PKHD1L1: variants seen among roughly 807,000 people sequenced by gnomAD.
PKHD1L1 encodes the protein PKHD1 like 1, also known as fibrocystin-L.
In PKHD1L1, 434 loss-of-function variants were observed where a neutral mutation model predicts 462.9. That is an observed-to-expected ratio of 0.94 (90% CI 0.87 to 1.02). The LOEUF (loss-of-function observed/expected upper bound fraction) is 1.02. Ranked by LOEUF, PKHD1L1 falls within the 50% of genes least tolerant of loss-of-function variation. The probability of loss-of-function intolerance (pLI) is 0.00; values close to 1 mark genes in which losing one functional copy is unlikely to be tolerated. For missense variants in PKHD1L1, 5,202 were observed against 5,096.1 expected, an observed-to-expected ratio of 1.02 and a Z score of -0.63; for synonymous variants, 1,781 against 1,750.0, an observed-to-expected ratio of 1.02 and a Z score of -0.44.
Position 109,486,749 on chromosome 8 carries a change from G to A in PKHD1L1, c.9808G>A (p.Gly3270Ser), listed in dbSNP as rs200880307. The A allele has an allele frequency of 2.2e-3, 3,567 of 1,612,438 alleles. 8 individuals are homozygous for A. Among genetic ancestry groups the A allele is most frequent in the Middle Eastern group, 5.0e-3 (30 of 6,050 alleles). The part of the protein sequence containing the change: ...NIKIVGEDYP[G>S]WSEDSFGARV... ...CAAAATAGTTGGTGAAGATTACCCC[G>A]GTTGGTCTGAGGACTCTTTTGGAGC... The change falls in exon 59 of 78, where the codon GGT becomes AGT. Residue 3270 changes from glycine (G) to serine (S), a missense_variant. Gly to Ser is a moderately conservative substitution (Grantham distance 56, BLOSUM62 0). Transcript: ENST00000378402.
At chr8:109,460,659 C>G (rs574649043) in intron 47 of PKHD1L1, among the ~76,000 whole-genome samples, 1 of 152,246 alleles carries the variant, frequency 6.6e-6, no homozygotes, top group African/African-American at 2.4e-5. Flanking sequence ...CAGAAATGTT[C>G]CCTGGGGGCA....
intron 2 of PKHD1L1, among the ~76,000 whole-genome samples, chr8:109,369,929 G>A (rs760424099): frequency 2.6e-4 from 39 of 152,176 alleles, no homozygotes; most frequent in Admixed American, 1.3e-3. Flanking sequence ...TATGCCGGAT[G>A]AGTTATTTGG....
rs770816837 is a variant in PKHD1L1 at position 109,406,433 on chromosome 8, A to T, written c.1768A>T (p.Asn590Tyr). The part of the protein sequence containing the change: ...PDTVQVIRTQ[N>Y]PQSYVYMVTF... ...CACAGTTCAAGTAATAAGAACACAAAATCCCCAGAGCTATGTCTACATGGT... is the reference window on the plus strand; with the variant it reads ...CACAGTTCAAGTAATAAGAACACAATATCCCCAGAGCTATGTCTACATGGT... Residue 590 changes from asparagine (N) to tyrosine (Y), a missense_variant, in exon 17 of 78, where the codon AAT (asparagine) becomes TAT (tyrosine). By Grantham distance (143) the Asn-to-Tyr change is moderately radical. Transcript: ENST00000378402. The T allele has an allele frequency of 5.6e-6, 9 of 1,600,258 alleles. No homozygotes were observed. In the Admixed American group the frequency reaches 8.6e-5, roughly 15 times the overall value.
At chr8:109,412,676 C>T (rs1813921698) in intron 20 of PKHD1L1, among the ~76,000 whole-genome samples, 1 of 151,820 alleles carries the variant, frequency 6.6e-6, no homozygotes, top group Non-Finnish European at 1.5e-5. Flanking sequence ...AAAATATTTG[C>T]ACACAAGTTT....
chr8:109,450,783 T>C (rs141553976), intron 40 of PKHD1L1, among the ~76,000 whole-genome samples, 192 bp from the exon 41 acceptor site: 1 of 152,336 alleles, frequency 6.6e-6, no homozygotes, highest in African/African-American at 2.4e-5. Flanking sequence ...CTTCTGTCGA[T>C]AATGGGCATG....
At chr8:109,413,085 A>T (rs932238431) in intron 20 of PKHD1L1, among the ~76,000 whole-genome samples, 2 of 152,034 alleles carry the variant, frequency 1.3e-5, no homozygotes, top group African/African-American at 4.8e-5. Flanking sequence ...TTCTATGTGC[A>T]TTGGACTTTT....
At chr8:109,520,070 G>A (rs1387814087) in intron 73 of PKHD1L1, among the ~76,000 whole-genome samples, 1 of 152,122 alleles carries the variant, frequency 6.6e-6, no homozygotes, top group Admixed American at 6.6e-5. Flanking sequence ...CCATTGGGGG[G>A]ATAAGCCTGT....
chr8:109,392,987 C>T (rs1292039603), intron 9 of PKHD1L1, among the ~76,000 whole-genome samples: 3 of 152,108 alleles, frequency 2.0e-5, no homozygotes, highest in Non-Finnish European at 2.9e-5. Context: ...TCAGTGTCAT[C>T]CAAAATAAAT....
chr8:109,499,053 T>C (rs1403470971), intron 67 of PKHD1L1: 1 of 353,270 alleles, frequency 2.8e-6, no homozygotes, highest in East Asian at 5.6e-5. Flanking sequence ...AATTTGTAAA[T>C]GCCCTTTCAT....
intron 21 of PKHD1L1, among the ~76,000 whole-genome samples, chr8:109,416,020 C>T (rs1040206019): frequency 6.6e-6 from 1 of 151,934 alleles, no homozygotes; most frequent in African/African-American, 2.4e-5. Context: ...ATACTCTGAT[C>T]AATCAATGGA....
rs778632864 is a variant in PKHD1L1 at position 109,445,419 on chromosome 8, G to T, written c.5550G>T (p.Val1850=). The T allele has an allele frequency of 5.6e-6, 9 of 1,613,874 alleles. No individual in the cohort carries two copies. The highest frequency in any genetic ancestry group is 7.6e-6 in the Non-Finnish European group (9 of 1,179,910). Residue 1850 remains valine (V), a synonymous_variant, in exon 38 of 78, where the codon GTG becomes GTT. Transcript: ENST00000378402. The part of the protein sequence containing the change: ...SGSIGGGTTL[V]ITGNGFYPGN... ...GCATTGGTGGTGGAACTACACTGGT[G>T]ATCACAGGAAATGGCTTCTATCCAG...
At chr8:109,363,380 C>T (rs944656083) in intron 1 of PKHD1L1, among the ~76,000 whole-genome samples, 2 of 152,156 alleles carry the variant, frequency 1.3e-5, no homozygotes, top group African/African-American at 2.4e-5. Context: ...TCTGGGGCCT[C>T]GGAACTGGTC....
At chr8:109,515,366 T>G in intron 72 of PKHD1L1, 61 bp downstream of exon 72, 1 of 1,249,478 alleles carries the variant, frequency 8.0e-7, no homozygotes, top group Non-Finnish European at 1.1e-6. Flanking sequence ...ATATTTTAAG[T>G]GTCTGATTAT....
intron 2 of PKHD1L1, among the ~76,000 whole-genome samples, chr8:109,375,144 G>A (rs1036192922): frequency 1.3e-5 from 2 of 152,196 alleles, no homozygotes; most frequent in African/African-American, 4.8e-5. Flanking sequence ...ACACCAATTA[G>A]ACGTAGATTT....
intron 19 of PKHD1L1, 110 bp from the exon 20 acceptor site, chr8:109,412,155 C>T: frequency 9.8e-7 from 1 of 1,017,108 alleles, no homozygotes; most frequent in Non-Finnish European, 1.4e-6. Context: ...TTAAAGTAAT[C>T]AGGGAAACAA....
chr8:109,408,147 A>G lies in PKHD1L1; in HGVS notation c.1912A>G (p.Thr638Ala). ...TKGKPNLETF[T>A]LNWDGIASKP... ...AGGAAAACCCAACTTGGAGACATTC[A>G]CACTGAATTGGGATGGGATCGCTTC... is the stretch of plus-strand genomic sequence containing the variant. Residue 638 changes from threonine (T) to alanine (A), a missense_variant, in exon 18 of 78, where the codon ACA becomes GCA. Thr to Ala is a moderately conservative substitution (Grantham distance 58, BLOSUM62 0). Transcript: ENST00000378402. 1 of 1,613,424 alleles carries G rather than the reference A, an allele frequency of 6.2e-7. No homozygotes were observed.
At chr8:109,430,144 A>C in intron 27 of PKHD1L1, 107 bp downstream of exon 27, 1 of 683,240 alleles carries the variant, frequency 1.5e-6, no homozygotes, top group Non-Finnish European at 2.4e-6. Flanking sequence ...CACTAGCTAA[A>C]GCAAGCAAAC....
chr8:109,399,983 A>G lies in PKHD1L1; in HGVS notation c.1013-93A>G, dbSNP rs1813186465. ...ACACATACTAAAAATATGAATTGAT[A>G]TACAAAATCTATAACCAACATCCAA... On this transcript the variant is annotated intron_variant, in intron 12 of 77. Transcript: ENST00000378402. 2.3e-6 allele frequency: 3 copies of G among 1,309,526 alleles called. No individual in the cohort carries two copies. In the African/African-American group the frequency reaches 4.5e-5, roughly 19 times the overall value. 81.1% of individuals were successfully genotyped at this position (1,309,526 alleles called of 1,614,324 possible).
intron 67 of PKHD1L1, 32 bp from the exon 68 acceptor site, chr8:109,504,295 A>G (rs752244011): frequency 1.6e-5 from 21 of 1,297,886 alleles, no homozygotes; most frequent in East Asian, 2.7e-5. Flanking sequence ...TCTTTAGAGA[A>G]AATAATCACT....
Sources: gnomAD v4.1 joint callset for allele counts (sites outside exome capture counted in the v4.1 genomes callset) on GRCh38, gnomAD v4.1.1 for gene constraint, MANE v1.5 for transcripts, NCBI Gene and HGNC (gene_info 2026-07-23, HGNC 2026-07-21) for gene names.